LPGAT1: variants seen among roughly 807,000 people sequenced by gnomAD.
LPGAT1 encodes the protein lysophosphatidylglycerol acyltransferase 1.
Under a neutral mutation model 47.5 loss-of-function variants are expected in LPGAT1, and 11 were observed. That is an observed-to-expected ratio of 0.23 (90% CI 0.15 to 0.38). The LOEUF (loss-of-function observed/expected upper bound fraction) is 0.38, where lower values mean the gene tolerates loss of function less well. Ranked by LOEUF, LPGAT1 falls within the 10% of genes least tolerant of loss-of-function variation. The pLI, the probability that LPGAT1 is intolerant of heterozygous loss-of-function variation, is 1.00. For missense variants in LPGAT1, 293 were observed against 439.0 expected, an observed-to-expected ratio of 0.67 and a Z score of 2.97; for synonymous variants, 138 against 144.2, an observed-to-expected ratio of 0.96 and a Z score of 0.31.
At chr1:211,820,794 G>A (rs1660343976) in intron 2 of LPGAT1, among the ~76,000 whole-genome samples, 1 of 152,072 alleles carries the variant, frequency 6.6e-6, no homozygotes, top group Non-Finnish European at 1.5e-5. Flanking sequence ...TTAAAGATAT[G>A]ATTAAAGAAA....
chr1:211,785,587 G>A lies in LPGAT1; in HGVS notation c.453+2045C>T, dbSNP rs373465869. Among the ~76,000 whole-genome samples the A allele has an allele frequency of 6.6e-5, 10 of 150,656 alleles. 1 individual carries two copies. The East Asian group carries it at 1.2e-3, about 18-fold the overall frequency. ...TTCAACTTTTATCTAAAAGTACACCGATAATCTAGTATAATTTAGCCTCTT... is the reference window on the plus strand; with the variant it reads ...TTCAACTTTTATCTAAAAGTACACCAATAATCTAGTATAATTTAGCCTCTT... On this transcript the variant is annotated intron_variant, in intron 4 of 7. Transcript: ENST00000366997.
At chr1:211,829,868 CCTT>C in intron 1 of LPGAT1, 1 of 955,460 alleles carries the variant, frequency 1.0e-6, no homozygotes, top group Non-Finnish European at 1.2e-6. Context: ...TTTTTGTTTC[CCTT>C]TTTTTTTTAA....
Position 211,746,634 on chromosome 1 carries a change from G to GGAAA in LPGAT1, c.*3261_*3264dup, listed in dbSNP as rs1656954947. On this transcript the variant is annotated 3_prime_UTR_variant, in exon 8 of 8. Transcript: ENST00000366997. Reference sequence around the variant, plus strand: ...AATCTAGTAATCCTTCCTTTATAGTGGAAAGTTAAGGATTGGTTGTAATAT... The same window carrying GGAAA: ...AATCTAGTAATCCTTCCTTTATAGTGGAAAGAAAGTTAAGGATTGGTTGTAATAT... 6.6e-6 allele frequency: 1 copy of GGAAA among 152,004 alleles called. No homozygotes were observed. Among genetic ancestry groups the GGAAA allele is most frequent in the African/African-American group, 2.4e-5 (1 of 41,386 alleles). 9.4% of individuals were successfully genotyped at this position (152,004 alleles called of 1,614,324 possible). A position where few individuals can be genotyped will look rare whatever the true frequency, so the allele number is the denominator to read the frequency against.
At chr1:211,800,035 T>TTTATTATTATTATTA (rs58672865) in intron 2 of LPGAT1, among the ~76,000 whole-genome samples, 8 of 150,974 alleles carry the variant, frequency 5.3e-5, no homozygotes, top group Middle Eastern at 3.4e-3. Context: ...ACTACCATTC[T>TTTATTATTATTATTA]TTATTATTAT....
At chr1:211,798,949 G>A (rs1234361872) in intron 2 of LPGAT1, among the ~76,000 whole-genome samples, 1 of 152,080 alleles carries the variant, frequency 6.6e-6, no homozygotes, top group Non-Finnish European at 1.5e-5. Context: ...AAGAGAGGGA[G>A]GGAGGGCAAT....
At chr1:211,808,316 C>T (rs1431323342) in intron 2 of LPGAT1, among the ~76,000 whole-genome samples, 1 of 148,170 alleles carries the variant, frequency 6.7e-6, no homozygotes, top group Non-Finnish European at 1.5e-5. Context: ...CGCCATTGCA[C>T]TCCAGTCTGC....
chr1:211,830,541 C>G lies in LPGAT1; in HGVS notation c.-28+32G>C, dbSNP rs1391680943. 3.3e-6 allele frequency: 4 copies of G among 1,198,114 alleles called. No homozygotes were observed. The African/African-American group carries it at 6.4e-5, about 19-fold the overall frequency. The allele number at this position is 1,198,114 out of a possible 1,614,324, so 74.2% of individuals were successfully genotyped here. On this transcript the variant is annotated intron_variant, in intron 1 of 7. Coordinates refer to ENST00000366997, the MANE Select transcript of LPGAT1 (RefSeq NM_014873.3). The surrounding 1 kb of genome is among the most constrained non-coding windows in gnomAD (Gnocchi z 5.9). ...CCCCTGGCCCGGCTCCGCTGCCGCT[C>G]TGGGGCCTGCGACCGCGGAGCCGGA...
chr1:211,751,767 C>T (rs187986923), intron 6 of LPGAT1, among the ~76,000 whole-genome samples: 29 of 152,006 alleles, frequency 1.9e-4, no homozygotes, highest in Admixed American at 6.5e-4. Context: ...TTTTTTGTCC[C>T]CTTTATCAAA....
chr1:211,783,233 T>C lies in LPGAT1; in HGVS notation c.723A>G (p.Glu241=). ...AAATGCTAAAAACCATCATACCTAA[T>C]TCTTTAGCATCTCCTCCTGCTGGAC... ...NGSPAGGDAK[E]LDSKSKGLQW... is the part of the protein sequence containing the mutation. The change falls in exon 5 of 8, where the codon GAA becomes GAG. Residue 241 remains glutamate (E), a synonymous_variant. Transcript: ENST00000366997. 6.2e-7 allele frequency: 1 copy of C among 1,609,132 alleles called. No homozygotes were observed. The highest frequency in any genetic ancestry group is 1.1e-5 in the South Asian group (1 of 90,772).
At chr1:211,814,071 C>A (rs139351490) in intron 2 of LPGAT1, among the ~76,000 whole-genome samples, 70 of 152,226 alleles carry the variant, frequency 4.6e-4, no homozygotes, top group African/African-American at 1.5e-3. Flanking sequence ...AAAGTAACAA[C>A]AAAATTTAAA....
intron 3 of LPGAT1, among the ~76,000 whole-genome samples, chr1:211,788,558 T>C (rs1658980995): frequency 6.6e-6 from 1 of 151,942 alleles, no homozygotes; most frequent in African/African-American, 2.4e-5. Context: ...GGTGCGTGCC[T>C]GTAATCCCAG....
Position 211,744,315 on chromosome 1 carries a change from T to C in LPGAT1, c.*5584A>G, listed in dbSNP as rs1656858207. On this transcript the variant is annotated 3_prime_UTR_variant, in exon 8 of 8. Transcript: ENST00000366997. Reference sequence around the variant, plus strand: ...GAATTTTGCCTGCAGTTGTTAAGCATTGGTTATGAAAATTGAATCATATAA... The same window carrying C: ...GAATTTTGCCTGCAGTTGTTAAGCACTGGTTATGAAAATTGAATCATATAA... 2.0e-5 allele frequency: 3 copies of C among 152,326 alleles called. No individual in the cohort carries two copies. The highest frequency in any genetic ancestry group is 2.1e-4 in the South Asian group (1 of 4,824). The allele number at this position is 152,326 out of a possible 1,614,324, so 9.4% of individuals were successfully genotyped here. A position where few individuals can be genotyped will look rare whatever the true frequency, so the allele number is the denominator to read the frequency against.
In LPGAT1 at chr1:211,830,660, C is replaced by A; in HGVS notation, c.-115G>T. 8.3e-7 allele frequency: 1 copy of A among 1,200,310 alleles called. No individual in the cohort carries two copies. Among genetic ancestry groups the A allele is most frequent in the Non-Finnish European group, 1.0e-6 (1 of 967,594 alleles). 74.4% of individuals were successfully genotyped at this position (1,200,310 alleles called of 1,614,324 possible). A position where few individuals can be genotyped will look rare whatever the true frequency, so the allele number is the denominator to read the frequency against. ...CGGCGGCGGGGCCGGCGGAAGAAGG[C>A]GGTGGCGGGGCCCTGCCCCGCTCCG... On this transcript the variant is annotated 5_prime_UTR_variant, in exon 1 of 8. Transcript: ENST00000366997. The surrounding 1 kb of genome is among the most constrained non-coding windows in gnomAD (Gnocchi z 5.9).
chr1:211,755,671 T>C (rs901350504), intron 6 of LPGAT1, among the ~76,000 whole-genome samples: 13 of 150,624 alleles, frequency 8.6e-5, no homozygotes, highest in Admixed American at 2.6e-4. Flanking sequence ...TTTGGGAGAC[T>C]GAGGTGCAAG....
At chr1:211,790,096 G>C (rs1659047090) in intron 3 of LPGAT1, among the ~76,000 whole-genome samples, 3 of 152,040 alleles carry the variant, frequency 2.0e-5, no homozygotes, top group Non-Finnish European at 2.9e-5. Context: ...ACATCGTCTA[G>C]AGACTTAAAT....
intron 2 of LPGAT1, among the ~76,000 whole-genome samples, chr1:211,810,598 CTT>C (rs1363996736): frequency 6.6e-6 from 1 of 152,074 alleles, no homozygotes; most frequent in African/African-American, 2.4e-5. Flanking sequence ...CCATATAAAA[CTT>C]AAGTCAACTT....
At chr1:211,800,556 A>C (rs970520039) in intron 2 of LPGAT1, among the ~76,000 whole-genome samples, 2 of 152,242 alleles carry the variant, frequency 1.3e-5, no homozygotes, top group African/African-American at 4.8e-5. Context: ...ATTAAGATTT[A>C]GTTTAAGTTA....
At chr1:211,764,667 C>T (rs576450588) in intron 6 of LPGAT1, among the ~76,000 whole-genome samples, 20 of 152,148 alleles carry the variant, frequency 1.3e-4, no homozygotes, top group Non-Finnish European at 2.6e-4. Context: ...ACTATTAGAA[C>T]AGTTTAAAAA....
chr1:211,762,909 C>A lies in LPGAT1; in HGVS notation c.855-11842G>T, dbSNP rs1241119144. Reference sequence around the variant, plus strand: ...AAACAACATGGCTAAACCCTCAATTCAATTATGTCAAGATTGTGTAAGGAA... The same window carrying A: ...AAACAACATGGCTAAACCCTCAATTAAATTATGTCAAGATTGTGTAAGGAA... On this transcript the variant is annotated intron_variant, in intron 6 of 7. Coordinates refer to ENST00000366997, the MANE Select transcript of LPGAT1 (RefSeq NM_014873.3). Among the ~76,000 whole-genome samples the A allele has an allele frequency of 2.0e-5, 3 of 152,134 alleles. No individual in the cohort carries two copies. The East Asian group carries it at 5.8e-4, about 29-fold the overall frequency.
Sources: allele counts gnomAD v4.1 joint callset (sites outside exome capture counted in the v4.1 genomes callset), GRCh38; gene constraint gnomAD v4.1.1; non-coding constraint Gnocchi (gnomAD v3.1); transcripts MANE v1.5; gene names NCBI Gene and HGNC (gene_info 2026-07-23, HGNC 2026-07-21).